Variants in NOL4 observed in about 807,000 individuals in gnomAD.
NOL4 encodes cancer/testis antigen 125.
NOL4 carries 17 observed loss-of-function variants against 75.9 expected under a neutral mutation model. That is an observed-to-expected ratio of 0.22 (90% CI 0.15 to 0.34). The LOEUF is 0.34. NOL4 is among the 10% of genes least tolerant of loss of function. The pLI is 1.00. For missense variants in NOL4, 614 were observed against 793.5 expected, an observed-to-expected ratio of 0.77 and a Z score of 2.72; for synonymous variants, 292 against 289.9, an observed-to-expected ratio of 1.01 and a Z score of -0.07.
chr18:34,125,133 T>C (rs2080326704), intron 2 of NOL4, among the ~76,000 whole-genome samples: 1 of 152,154 alleles, frequency 6.6e-6, no homozygotes, highest in Admixed American at 6.6e-5. Flanking sequence ...GAATTTTATA[T>C]AAAAATACAG....
chr18:34,144,811 C>A (rs1349753058), intron 1 of NOL4, among the ~76,000 whole-genome samples: 1 of 152,040 alleles, frequency 6.6e-6, no homozygotes, highest in Non-Finnish European at 1.5e-5. Flanking sequence ...ATCAAAGTGC[C>A]CTTTACGTTA....
chr18:33,856,928 T>A (rs1206499674), intron 10 of NOL4, among the ~76,000 whole-genome samples: 1 of 152,058 alleles, frequency 6.6e-6, no homozygotes, highest in Non-Finnish European at 1.5e-5. Flanking sequence ...TTCCTTTTCA[T>A]CAAAATCAAC....
intron 2 of NOL4, among the ~76,000 whole-genome samples, chr18:34,111,828 A>G (rs1446278775): frequency 2.0e-5 from 3 of 152,188 alleles, no homozygotes; most frequent in Non-Finnish European, 4.4e-5. Context: ...TAAAAAAGTC[A>G]AAGACAAAAA....
At chr18:34,108,221 A>T (rs1419776834) in intron 2 of NOL4, among the ~76,000 whole-genome samples, 1 of 152,228 alleles carries the variant, frequency 6.6e-6, no homozygotes, top group East Asian at 1.9e-4. Context: ...AAAGATGAAG[A>T]AAAAGTAATC....
chr18:33,935,436 C>T (rs2145469047), intron 9 of NOL4, among the ~76,000 whole-genome samples: 1 of 152,130 alleles, frequency 6.6e-6, no homozygotes, highest in African/African-American at 2.4e-5. Context: ...AAGAGAGAGA[C>T]AGGGTGATGG....
intron 6 of NOL4, among the ~76,000 whole-genome samples, chr18:33,981,643 A>G (rs1289623045): frequency 2.6e-5 from 4 of 152,216 alleles, no homozygotes; most frequent in Middle Eastern, 6.8e-3. Flanking sequence ...AAATAATAAG[A>G]GAATGTGTTA....
intron 5 of NOL4, among the ~76,000 whole-genome samples, chr18:34,082,217 C>T (rs1161778845): frequency 1.3e-5 from 2 of 152,136 alleles, no homozygotes; most frequent in Non-Finnish European, 2.9e-5. Context: ...GGTGGTTACA[C>T]AGCTGGGCTT....
At chr18:34,185,198 T>C (rs912441759) in intron 1 of NOL4, among the ~76,000 whole-genome samples, 30 of 152,298 alleles carry the variant, frequency 2.0e-4, no homozygotes, top group African/African-American at 7.0e-4. Context: ...GTGAAGGAGC[T>C]GAGATTGTGC....
intron 9 of NOL4, among the ~76,000 whole-genome samples, chr18:33,939,263 CT>C (rs1223745312): frequency 1.7e-4 from 26 of 152,158 alleles, no homozygotes; most frequent in African/African-American, 6.3e-4. Flanking sequence ...TATATGGGCT[CT>C]TTTTTGGTTC....
At chr18:34,199,526 T>A (rs1203677649) in intron 1 of NOL4, among the ~76,000 whole-genome samples, 1 of 151,874 alleles carries the variant, frequency 6.6e-6, no homozygotes, top group Non-Finnish European at 1.5e-5. Flanking sequence ...TAACTCTGAA[T>A]CCACAGCATC....
intron 6 of NOL4, among the ~76,000 whole-genome samples, chr18:33,964,468 AAAGAAAAG>A (rs1434085826): frequency 4.7e-4 from 71 of 152,016 alleles, no homozygotes; most frequent in African/African-American, 1.6e-3. Context: ...AAAGGAAAAC[AAAGAAAAG>A]AAAGAAAAGA....
intron 10 of NOL4, among the ~76,000 whole-genome samples, chr18:33,881,559 A>G: frequency 6.6e-6 from 1 of 151,842 alleles, no homozygotes; most frequent in Non-Finnish European, 1.5e-5. Flanking sequence ...AAAAGAGGAT[A>G]CAAACAAATG....
At position 34,086,897 on chromosome 18, in the gene NOL4, T is replaced by A. The variant is rs565152881; in HGVS notation, c.772+6568A>T. On this transcript the variant is annotated intron_variant, in intron 5 of 10. Coordinates refer to ENST00000261592, the MANE Select transcript of NOL4 (RefSeq NM_003787.5). Reference sequence around the variant, plus strand: ...TGTCATATGTGGCAATTGTCATAACTAAGAAAACAGAGCTAATTGAAACAC... The same window carrying A: ...TGTCATATGTGGCAATTGTCATAACAAAGAAAACAGAGCTAATTGAAACAC... Among the ~76,000 whole-genome samples the A allele has an allele frequency of 3.3e-5, 5 of 152,166 alleles. No individual in the cohort carries two copies. The South Asian group carries it at 1.0e-3, about 31-fold the overall frequency.
intron 2 of NOL4, among the ~76,000 whole-genome samples, chr18:34,108,328 G>T (rs2079412437): frequency 6.6e-6 from 1 of 152,058 alleles, no homozygotes; most frequent in Admixed American, 6.6e-5. Flanking sequence ...TAAAATGGCA[G>T]TAGTAAGTCC....
chr18:34,204,703 C>G (rs750205963), intron 1 of NOL4, among the ~76,000 whole-genome samples: 9 of 152,044 alleles, frequency 5.9e-5, no homozygotes, highest in Non-Finnish European at 1.0e-4. Flanking sequence ...AGACATCTTT[C>G]CATTATCTTT....
intron 5 of NOL4, among the ~76,000 whole-genome samples, chr18:34,027,971 C>G (rs534327066): frequency 2.2e-4 from 33 of 152,158 alleles, no homozygotes; most frequent in African/African-American, 7.7e-4. Flanking sequence ...CTGTTTCTGT[C>G]AGAATAAAAC....
chr18:33,870,325 G>T (rs972023631), intron 10 of NOL4, among the ~76,000 whole-genome samples: 1 of 152,028 alleles, frequency 6.6e-6, no homozygotes. Context: ...AATGGTGGTT[G>T]CCAGAGGCTG....
At chr18:33,892,160 G>C (rs72955223) in intron 9 of NOL4, among the ~76,000 whole-genome samples, 23,660 of 152,084 alleles carry the variant, frequency 0.16, 2,077 homozygotes, top group Non-Finnish European at 0.2. Flanking sequence ...GCCAGTTGCA[G>C]TCGCTCATGC....
At chr18:34,092,232 GAAGAA>G (rs2078557996) in intron 5 of NOL4, among the ~76,000 whole-genome samples, 2 of 151,908 alleles carry the variant, frequency 1.3e-5, no homozygotes, top group African/African-American at 4.8e-5. Context: ...TCATGTTTTA[GAAGAA>G]AAGAGAAAAT....
Sources: allele counts gnomAD v4.1 joint callset (sites outside exome capture counted in the v4.1 genomes callset), GRCh38; gene constraint gnomAD v4.1.1; transcripts MANE v1.5; gene names NCBI Gene and HGNC (gene_info 2026-07-23, HGNC 2026-07-21).